The following EPHA6 variants were observed in gnomAD, a reference collection of about 807,000 sequenced individuals.
The protein encoded by EPHA6 is EPH receptor A6, also known as ephrin type-A receptor 6.
A neutral mutation model predicts 112.0 loss-of-function variants in EPHA6; 50 were observed. The ratio of observed to expected loss-of-function variants is 0.45; its 90% CI spans 0.36 to 0.56. The LOEUF (loss-of-function observed/expected upper bound fraction) is 0.56, where lower values mean the gene tolerates loss of function less well. EPHA6 is among the 20% of genes least tolerant of loss of function. The pLI is 0.00. For synonymous variants in EPHA6, 529 were observed against 490.7 expected, an observed-to-expected ratio of 1.08 and a Z score of -1.03; for missense variants, 1,280 against 1,417.4, an observed-to-expected ratio of 0.90 and a Z score of 1.56.
At chr3:97,630,705 T>C (rs2093895572) in intron 13 of EPHA6, among the ~76,000 whole-genome samples, 1 of 152,018 alleles carries the variant, frequency 6.6e-6, no homozygotes, top group Non-Finnish European at 1.5e-5. Flanking sequence ...AGATGAAACG[T>C]CCAATAAGAA....
chr3:97,252,105 AGT>A (rs2079158345), intron 5 of EPHA6, among the ~76,000 whole-genome samples: 1 of 152,120 alleles, frequency 6.6e-6, no homozygotes, highest in South Asian at 2.1e-4. Context: ...CCTGTTCCCA[AGT>A]GTGTCTCAAG....
At chr3:97,142,503 A>G (rs1358342526) in intron 3 of EPHA6, among the ~76,000 whole-genome samples, 1 of 152,004 alleles carries the variant, frequency 6.6e-6, no homozygotes, top group Non-Finnish European at 1.5e-5. Context: ...ATTACACAGA[A>G]ATACAAAACA....
intron 3 of EPHA6, among the ~76,000 whole-genome samples, chr3:97,167,758 C>A (rs765975868): frequency 4.6e-5 from 7 of 151,888 alleles, no homozygotes; most frequent in Non-Finnish European, 1.0e-4. Context: ...TTTTATATAG[C>A]GTATTTAAAA....
intron 14 of EPHA6, among the ~76,000 whole-genome samples, chr3:97,681,784 A>G (rs2031880292): frequency 6.6e-6 from 1 of 152,096 alleles, no homozygotes; most frequent in Admixed American, 6.6e-5. Context: ...GCAGCATTAC[A>G]TATCCTGAAG....
At chr3:96,909,313 A>G (rs1260880679) in intron 2 of EPHA6, among the ~76,000 whole-genome samples, 1 of 152,002 alleles carries the variant, frequency 6.6e-6, no homozygotes, top group East Asian at 1.9e-4. Flanking sequence ...AGTCCAGTAG[A>G]TCTATAATCT....
chr3:97,711,952 C>T (rs1221941560), intron 14 of EPHA6, among the ~76,000 whole-genome samples: 1 of 152,082 alleles, frequency 6.6e-6, no homozygotes, highest in African/African-American at 2.4e-5. Flanking sequence ...GCAAAGTACC[C>T]ACTCTTTAAT....
chr3:97,690,359 A>G (rs1026490468), intron 14 of EPHA6, among the ~76,000 whole-genome samples: 5 of 152,054 alleles, frequency 3.3e-5, no homozygotes, highest in African/African-American at 1.2e-4. Context: ...GTGAAATGGT[A>G]TTTCATTATG....
intron 11 of EPHA6, among the ~76,000 whole-genome samples, chr3:97,549,339 T>C (rs1457495147): frequency 6.6e-6 from 1 of 152,110 alleles, no homozygotes; most frequent in Non-Finnish European, 1.5e-5. Context: ...GAGGCTACAT[T>C]AAGTGATTGA....
At chr3:97,169,337 G>A (rs1388657441) in intron 3 of EPHA6, among the ~76,000 whole-genome samples, 10 of 152,154 alleles carry the variant, frequency 6.6e-5, no homozygotes. Flanking sequence ...AGATACAATA[G>A]CAGGTTCTCC....
chr3:97,495,742 T>G (rs2091960089), intron 10 of EPHA6, among the ~76,000 whole-genome samples: 1 of 152,116 alleles, frequency 6.6e-6, no homozygotes, highest in Non-Finnish European at 1.5e-5. Context: ...TTTAGTATAC[T>G]CTCTAATTTT....
intron 14 of EPHA6, among the ~76,000 whole-genome samples, chr3:97,655,433 G>A (rs1216782641): frequency 6.6e-6 from 1 of 151,732 alleles, no homozygotes; most frequent in African/African-American, 2.4e-5. Flanking sequence ...AGTCTTTGAA[G>A]GTTGAGAAAA....
chr3:97,043,303 A>G (rs568908782), intron 3 of EPHA6, among the ~76,000 whole-genome samples: 1 of 152,122 alleles, frequency 6.6e-6, no homozygotes, highest in East Asian at 1.9e-4. Flanking sequence ...AGGGACAGGT[A>G]GTCAGCTGTA....
At chr3:97,378,957 C>A (rs2109012002) in intron 5 of EPHA6, among the ~76,000 whole-genome samples, 1 of 152,154 alleles carries the variant, frequency 6.6e-6, no homozygotes, top group Non-Finnish European at 1.5e-5. Flanking sequence ...GTTAGGAAGG[C>A]ATGATTTGTT....
At chr3:97,584,844 C>A (rs945330105) in intron 11 of EPHA6, among the ~76,000 whole-genome samples, 1 of 152,166 alleles carries the variant, frequency 6.6e-6, no homozygotes, top group Non-Finnish European at 1.5e-5. Context: ...TCATGTGATT[C>A]ATGATAAACC....
chr3:96,979,089 AG>A (rs766225260), intron 2 of EPHA6, among the ~76,000 whole-genome samples: 25 of 152,114 alleles, frequency 1.6e-4, no homozygotes, highest in Non-Finnish European at 2.2e-4. Flanking sequence ...TAAAATTTCT[AG>A]GGTACATGTG....
chr3:97,426,926 A>C (rs956218104), intron 6 of EPHA6, among the ~76,000 whole-genome samples: 1 of 152,212 alleles, frequency 6.6e-6, no homozygotes, highest in African/African-American at 2.4e-5. Flanking sequence ...ACATGGCCAA[A>C]ATTATATAAA....
chr3:97,345,823 C>T (rs760642016), intron 5 of EPHA6, among the ~76,000 whole-genome samples: 4 of 151,976 alleles, frequency 2.6e-5, no homozygotes, highest in Non-Finnish European at 5.9e-5. Context: ...CTTTTAGTAG[C>T]TATAGCTGCT....
chr3:97,496,004 G>A (rs1000082148), intron 10 of EPHA6, among the ~76,000 whole-genome samples: 4 of 152,028 alleles, frequency 2.6e-5, no homozygotes, highest in African/African-American at 9.7e-5. Flanking sequence ...TCTTTATTCA[G>A]AACTAAATCA....
chr3:96,932,221 G>A (rs756788806), intron 2 of EPHA6, among the ~76,000 whole-genome samples: 5 of 152,088 alleles, frequency 3.3e-5, no homozygotes, highest in Non-Finnish European at 5.9e-5. Context: ...TGGATATTAC[G>A]GTTAAAGGTA....
Sources: gnomAD v4.1 joint callset for allele counts (sites outside exome capture counted in the v4.1 genomes callset) on GRCh38, gnomAD v4.1.1 for gene constraint, MANE v1.5 for transcripts, NCBI Gene and HGNC (gene_info 2026-07-23, HGNC 2026-07-21) for gene names.